ADAMTSL2: variants seen among roughly 807,000 people sequenced by gnomAD.
ADAMTSL2 encodes the protein ADAMTS-like protein 2.
Under a neutral mutation model 117.0 loss-of-function variants are expected in ADAMTSL2, and 55 were observed. The ratio of observed to expected loss-of-function variants is 0.47; its 90% CI spans 0.38 to 0.59. The LOEUF (loss-of-function observed/expected upper bound fraction) is 0.59. Among genes scored for constraint, ADAMTSL2 ranks in the 20% least tolerant of loss-of-function variants. The probability of loss-of-function intolerance (pLI) is 0.00; values close to 1 mark genes in which losing one functional copy is unlikely to be tolerated. For missense variants in ADAMTSL2, 1,182 were observed against 1,354.5 expected (o/e 0.87, Z 2.00); for synonymous variants, 572 against 566.4 (o/e 1.01, Z -0.14).
intron 8 of ADAMTSL2, among the ~76,000 whole-genome samples, chr9:133,545,871 C>G (rs1198822921): frequency 6.6e-6 from 1 of 152,118 alleles, no homozygotes; most frequent in Non-Finnish European, 1.5e-5. Context: ...CCAGCACACT[C>G]CCCCTCGCAG....
chr9:133,538,430 G>C lies in ADAMTSL2; in HGVS notation c.309+6G>C. ...ACCAGCTCTGCAGAGTGCAGGTGAG[G>C]CCCGGCCCGGGCAGGGGCACCATGG... On this transcript the variant is annotated splice_donor_region_variant and intron_variant, in intron 4 of 18. Transcript: ENST00000651351. 1 of 1,612,826 alleles carries C rather than the reference G, an allele frequency of 6.2e-7. No individual in the cohort carries two copies. The highest frequency in any genetic ancestry group is 8.5e-7 in the Non-Finnish European group (1 of 1,179,796).
chr9:133,545,012 G>A (rs576340950), intron 8 of ADAMTSL2, among the ~76,000 whole-genome samples: 6 of 152,288 alleles, frequency 3.9e-5, no homozygotes, highest in East Asian at 1.9e-4. Flanking sequence ...GTCAGACTCC[G>A]CTGGGAGGCT....
chr9:133,563,906 A>G (rs1255070221), intron 12 of ADAMTSL2, among the ~76,000 whole-genome samples: 7 of 31,664 alleles, frequency 2.2e-4, no homozygotes, highest in Non-Finnish European at 3.2e-4. Context: ...AGAGAAGGGG[A>G]GAGAGAGAGA....
chr9:133,560,490 C>A (rs2131152078), intron 11 of ADAMTSL2, among the ~76,000 whole-genome samples: 1 of 152,306 alleles, frequency 6.6e-6, no homozygotes, highest in Middle Eastern at 3.4e-3. Flanking sequence ...AGGTTGGGCC[C>A]AGGCACACCT....
Position 133,568,483 on chromosome 9 carries a change from C to A in ADAMTSL2, c.2085C>A (p.Ser695=). The A allele has an allele frequency of 1.9e-6, 3 of 1,601,774 alleles. No individual in the cohort carries two copies. Among genetic ancestry groups the A allele is most frequent in the South Asian group, 2.2e-5 (2 of 89,180 alleles). Residue 695 remains serine, a synonymous_variant, in exon 14 of 19, where the codon TCC becomes TCA. Transcript: ENST00000651351. ...CGPQWEMSEW[S]ECTAKCGERS... The stretch of plus-strand genomic sequence containing the variant: ...CCCAGTGGGAGATGTCGGAGTGGTC[C>A]GAGGTGAGTGCCTGCGGGAGCAAGC...
chr9:133,551,618 C>T (rs909122737), intron 9 of ADAMTSL2, among the ~76,000 whole-genome samples: 2 of 152,072 alleles, frequency 1.3e-5, no homozygotes, highest in East Asian at 1.9e-4. Context: ...GGCCTTGCTC[C>T]AGAACCATAG....
At position 133,557,766 on chromosome 9, in the gene ADAMTSL2, G is replaced by T. The variant is rs1038947225; in HGVS notation, c.1649+1836G>T. Among the ~76,000 whole-genome samples the T allele has an allele frequency of 1.5e-4, 23 of 152,212 alleles. No individual in the cohort carries two copies. The highest frequency in any genetic ancestry group is 5.5e-4 in the African/African-American group (23 of 41,460). On this transcript the variant is annotated intron_variant, in intron 11 of 18. Transcript: ENST00000651351. This position sits in a 1 kb window ranked among gnomAD's most constrained non-coding sequence, Gnocchi z 5.2. ...AACTGAGCCTCCAAGTGGCAGCAGT[G>T]GGGGGTGCCTTTCAGGACCCACTGC... is the stretch of plus-strand genomic sequence containing the variant.
rs1588293640 is a variant in ADAMTSL2 at position 133,554,740 on chromosome 9, C to T, written c.1276+47C>T. 1 of 1,430,094 alleles carries T rather than the reference C, an allele frequency of 7.0e-7. No individual in the cohort carries two copies. The highest frequency in any genetic ancestry group is 2.5e-5 in the East Asian group (1 of 39,846). The allele number at this position is 1,430,094 out of a possible 1,614,324, so 88.6% of individuals were successfully genotyped here. On this transcript the variant is annotated intron_variant, in intron 10 of 18. Coordinates refer to ENST00000651351, the MANE Select transcript of ADAMTSL2 (RefSeq NM_014694.4). This position sits in a 1 kb window ranked among gnomAD's most constrained non-coding sequence, Gnocchi z 5.2. ...TGAGGGTGGGGCCCGGGAGGCAGCC[C>T]AGGGAAGGGGGCCTTGGGGAAGGGG...
At position 133,575,180 on chromosome 9, in the gene ADAMTSL2, G is replaced by T; in HGVS notation, c.*316G>T. On this transcript the variant is annotated 3_prime_UTR_variant, in exon 19 of 19. Transcript: ENST00000651351. ...CAGCAGCCCCCAGCCGAGGGGCCCA[G>T]GGCCCACAGCCAGCGGTGGAGGTGT... 1 of 413,788 alleles carries T rather than the reference G, an allele frequency of 2.4e-6. No homozygotes were observed. Among genetic ancestry groups the T allele is most frequent in the Non-Finnish European group, 4.5e-6 (1 of 221,926 alleles). The allele number at this position is 413,788 out of a possible 1,614,324, so 25.6% of individuals were successfully genotyped here.
At position 133,570,322 on chromosome 9, in the gene ADAMTSL2, C is replaced by T. The variant is rs111906016; in HGVS notation, c.2416-9C>T. ...TGGCGCTGACCCGCTCCCTCTGCCC[C>T]GGCCTCAGTGCAACACCACCTGCGG... is the stretch of plus-strand genomic sequence containing the variant. On this transcript the variant is annotated splice_polypyrimidine_tract_variant and intron_variant, in intron 16 of 18. Coordinates refer to ENST00000651351, the MANE Select transcript of ADAMTSL2 (RefSeq NM_014694.4). The T allele has an allele frequency of 4.0e-3, 6,139 of 1,541,564 alleles. 206 individuals are homozygous for T. In the African/African-American group the frequency reaches 0.072, roughly 18 times the overall value.
intron 2 of ADAMTSL2, among the ~76,000 whole-genome samples, chr9:133,537,141 C>T (rs953028504): frequency 2.2e-4 from 33 of 152,296 alleles, no homozygotes; most frequent in Middle Eastern, 3.4e-3. Context: ...CAGTTAGATG[C>T]GGCCCCAGGA....
chr9:133,534,551 T>TGGGC (rs1014498331), upstream of ADAMTSL2: 49 of 901,644 alleles, frequency 5.4e-5, no homozygotes, highest in African/African-American at 1.7e-5. Context: ...AACAGGCAGC[T>TGGGC]GGGCCGGCCT....
At chr9:133,548,059 G>T (rs1233604371) in intron 9 of ADAMTSL2, among the ~76,000 whole-genome samples, 1 of 152,264 alleles carries the variant, frequency 6.6e-6, no homozygotes, top group African/African-American at 2.4e-5. Flanking sequence ...GAGGCCGAGG[G>T]AATACAGCAG....
chr9:133,556,011 A>G lies in ADAMTSL2; in HGVS notation c.1649+81A>G, dbSNP rs1199452197. 24 of 1,548,298 alleles carry G rather than the reference A, an allele frequency of 1.6e-5. No individual in the cohort carries two copies. The East Asian group carries it at 5.2e-4, about 34-fold the overall frequency. ...GAGGCCAGGTAGAAAGTGAGGCCCCACTGGGGGGGTCTGGCCAGAAGGGCT... is the reference window on the plus strand; with the variant it reads ...GAGGCCAGGTAGAAAGTGAGGCCCCGCTGGGGGGGTCTGGCCAGAAGGGCT... On this transcript the variant is annotated intron_variant, in intron 11 of 18. Transcript: ENST00000651351.
chr9:133,536,009 C>T (rs1830041600), intron 1 of ADAMTSL2, among the ~76,000 whole-genome samples: 1 of 152,236 alleles, frequency 6.6e-6, no homozygotes, highest in African/African-American at 2.4e-5. Context: ...ACTGCACCTC[C>T]TCCTGCCCTG....
At chr9:133,555,973 GC>G in intron 11 of ADAMTSL2, 43 bp downstream of exon 11, 1 of 1,598,556 alleles carries the variant, frequency 6.3e-7, no homozygotes. Flanking sequence ...CCCTCAGGGG[GC>G]AGGATGGGGC....
intron 11 of ADAMTSL2, 83 bp from the exon 12 acceptor site, chr9:133,561,115 A>G: frequency 8.1e-7 from 1 of 1,235,504 alleles, no homozygotes; most frequent in Non-Finnish European, 1.2e-6. Context: ...CCCTCCGAAG[A>G]AAACTCCCTC....
chr9:133,534,948 T>A (rs901528442), intron 1 of ADAMTSL2, 31 bp downstream of exon 1: 3 of 1,371,412 alleles, frequency 2.2e-6, no homozygotes, highest in Non-Finnish European at 2.8e-6. Flanking sequence ...CCCCCTCACG[T>A]TGCAGCGTCC....
Position 133,536,560 on chromosome 9 carries a change from C to T in ADAMTSL2, c.-150-3C>T. ...GAGGCGGGGGGTTCATCCTTCCCAA[C>T]AGGGTCTGCCAGACAACCACGACCA... is the stretch of plus-strand genomic sequence containing the variant. On this transcript the variant is annotated splice_region_variant and splice_polypyrimidine_tract_variant and intron_variant, in intron 1 of 18. Coordinates refer to ENST00000651351, the MANE Select transcript of ADAMTSL2 (RefSeq NM_014694.4). 6.4e-7 allele frequency: 1 copy of T among 1,566,242 alleles called. No individual in the cohort carries two copies. The highest frequency in any genetic ancestry group is 8.7e-7 in the Non-Finnish European group (1 of 1,153,272).
Sources: allele counts gnomAD v4.1 joint callset (sites outside exome capture counted in the v4.1 genomes callset), GRCh38; gene constraint gnomAD v4.1.1; non-coding constraint Gnocchi (gnomAD v3.1); transcripts MANE v1.5; gene names NCBI Gene and HGNC (gene_info 2026-07-23, HGNC 2026-07-21).